The following SOX5 variants were observed in gnomAD, a reference collection of about 807,000 sequenced individuals.
SOX5 encodes transcription factor SOX-5.
SOX5 carries 9 observed loss-of-function variants against 92.0 expected under a neutral mutation model. That is an observed-to-expected ratio of 0.10 (90% CI 0.06 to 0.17). SOX5 has a LOEUF of 0.17. SOX5 is among the 10% of genes least tolerant of loss of function. SOX5 has a pLI of 1.00. For missense variants in SOX5, 642 were observed against 944.5 expected (o/e 0.68, Z 4.20); for synonymous variants, 344 against 336.3 (o/e 1.02, Z -0.25).
chr12:23,641,198 G>A (rs189636228), intron 7 of SOX5, among the ~76,000 whole-genome samples: 40 of 151,582 alleles, frequency 2.6e-4, no homozygotes, highest in African/African-American at 9.2e-4. Flanking sequence ...ACACACGCGC[G>A]TGCACACACA....
intron 1 of SOX5, among the ~76,000 whole-genome samples, chr12:24,458,372 A>G (rs1387309706): frequency 6.6e-6 from 1 of 152,206 alleles, no homozygotes; most frequent in African/African-American, 2.4e-5. Flanking sequence ...GTAGACTTTT[A>G]AAAATATTAT....
chr12:24,204,327 A>ATTTATT (rs33920840), intron 4 of SOX5, among the ~76,000 whole-genome samples: 5 of 149,962 alleles, frequency 3.3e-5, no homozygotes, highest in Admixed American at 2.7e-4. Flanking sequence ...TATTATTATT[A>ATTTATT]ATTATTATTA....
At chr12:23,595,439 G>A (rs894572911) in intron 9 of SOX5, among the ~76,000 whole-genome samples, 8 of 151,854 alleles carry the variant, frequency 5.3e-5, no homozygotes, top group Non-Finnish European at 1.2e-4. Flanking sequence ...TGGCTAACAC[G>A]GTGAAACCCC....
chr12:23,631,136 A>T (rs540695451), intron 8 of SOX5, among the ~76,000 whole-genome samples: 2 of 152,068 alleles, frequency 1.3e-5, no homozygotes, highest in Non-Finnish European at 2.9e-5. Context: ...TTCTAGTATC[A>T]ACAGCAACAA....
At chr12:24,289,800 C>T (rs1487051501) in intron 2 of SOX5, among the ~76,000 whole-genome samples, 1 of 152,198 alleles carries the variant, frequency 6.6e-6, no homozygotes, top group Admixed American at 6.5e-5. Context: ...CTATTATCTT[C>T]CTGTAGAGCA....
intron 3 of SOX5, among the ~76,000 whole-genome samples, chr12:23,771,187 C>CAAAAAAAAAAA (rs376988688): frequency 2.8e-5 from 3 of 108,604 alleles, no homozygotes; most frequent in African/African-American, 4.1e-5. Flanking sequence ...AAAAATGGAG[C>CAAAAAAAAAAA]AAAAAAAAAA....
intron 2 of SOX5, among the ~76,000 whole-genome samples, chr12:23,855,602 G>A (rs570705194): frequency 1.3e-5 from 2 of 151,832 alleles, no homozygotes; most frequent in East Asian, 1.9e-4. Context: ...CTTTCTTTGT[G>A]AGGACATCAG....
At chr12:24,197,400 A>T (rs891510561) in intron 4 of SOX5, among the ~76,000 whole-genome samples, 1 of 152,180 alleles carries the variant, frequency 6.6e-6, no homozygotes, top group Admixed American at 6.5e-5. Flanking sequence ...ACTTTAAATT[A>T]AAAAAATATA....
chr12:23,826,665 C>A (rs2096240271), intron 3 of SOX5, among the ~76,000 whole-genome samples: 1 of 150,766 alleles, frequency 6.6e-6, no homozygotes. Context: ...TCCTAAAGTA[C>A]TGGAGCAAGG....
intron 8 of SOX5, among the ~76,000 whole-genome samples, chr12:23,619,134 C>A (rs143295904): frequency 5.3e-5 from 8 of 152,256 alleles, no homozygotes; most frequent in Admixed American, 3.9e-4. Flanking sequence ...GGATTCCGCT[C>A]TTACTTTTTT....
At chr12:24,249,259 A>C (rs1467822819) in intron 3 of SOX5, among the ~76,000 whole-genome samples, 1 of 152,176 alleles carries the variant, frequency 6.6e-6, no homozygotes, top group Non-Finnish European at 1.5e-5. Context: ...ACTCCTTTCC[A>C]TTTGAAGGTT....
Position 23,703,292 on chromosome 12 carries a change from A to G in SOX5, c.810+31392T>C, listed in dbSNP as rs146890317. Among the ~76,000 whole-genome samples, 51 of 152,134 alleles carry G rather than the reference A, an allele frequency of 3.4e-4. 2 individuals carry two copies. In the East Asian group the frequency reaches 8.1e-3, roughly 24 times the overall value. On this transcript the variant is annotated intron_variant, in intron 6 of 14. Coordinates refer to ENST00000451604, the MANE Select transcript of SOX5 (RefSeq NM_006940.6). Reference sequence around the variant, plus strand: ...CTGACAATATGGCTAACATCTGACTATGTGGAAGATAACATTGTAAAGTAT... The same window carrying G: ...CTGACAATATGGCTAACATCTGACTGTGTGGAAGATAACATTGTAAAGTAT...
intron 1 of SOX5, among the ~76,000 whole-genome samples, chr12:24,456,166 T>A (rs1028631803): frequency 6.6e-6 from 1 of 152,134 alleles, no homozygotes; most frequent in Non-Finnish European, 1.5e-5. Flanking sequence ...GTAATTCAAC[T>A]TTTCCTCTTT....
At chr12:23,877,368 ACAGT>A (rs1350604069) in intron 2 of SOX5, among the ~76,000 whole-genome samples, 1 of 152,084 alleles carries the variant, frequency 6.6e-6, no homozygotes, top group Non-Finnish European at 1.5e-5. Flanking sequence ...CTGCATAGTT[ACAGT>A]TGCCATTTTT....
At chr12:23,883,511 G>A (rs939966373) in intron 2 of SOX5, among the ~76,000 whole-genome samples, 2 of 152,112 alleles carry the variant, frequency 1.3e-5, no homozygotes, top group African/African-American at 4.8e-5. Flanking sequence ...TGCCAGGCAT[G>A]GTGCAAAGCC....
intron 2 of SOX5, among the ~76,000 whole-genome samples, chr12:24,307,157 G>C (rs1244615298): frequency 1.3e-5 from 2 of 152,100 alleles, no homozygotes; most frequent in Non-Finnish European, 2.9e-5. Flanking sequence ...AACATATTAA[G>C]TACAAATTGT....
intron 1 of SOX5, among the ~76,000 whole-genome samples, chr12:23,918,111 C>A (rs955782740): frequency 7.2e-5 from 11 of 152,068 alleles, no homozygotes; most frequent in Admixed American, 1.3e-4. Context: ...TTCATTCTTC[C>A]TCTAAGACAG....
chr12:24,257,864 GTTTTA>G (rs1256532612), intron 3 of SOX5, among the ~76,000 whole-genome samples: 2 of 151,240 alleles, frequency 1.3e-5, no homozygotes, highest in Admixed American at 1.3e-4. Flanking sequence ...TGACAACACG[GTTTTA>G]TTTTCTTTTA....
At chr12:23,693,506 T>C (rs989001747) in intron 6 of SOX5, among the ~76,000 whole-genome samples, 11 of 152,218 alleles carry the variant, frequency 7.2e-5, no homozygotes, top group Non-Finnish European at 1.5e-4. Flanking sequence ...TTTGAACTTG[T>C]TTCTACCCAC....
Sources: allele counts gnomAD v4.1 joint callset (sites outside exome capture counted in the v4.1 genomes callset), GRCh38; gene constraint gnomAD v4.1.1; transcripts MANE v1.5; gene names NCBI Gene and HGNC (gene_info 2026-07-23, HGNC 2026-07-21).